GBF1: variants seen among roughly 807,000 people sequenced by gnomAD.
GBF1 encodes the protein golgi brefeldin A resistant guanine nucleotide exchange factor 1.
GBF1 carries 114 observed loss-of-function variants against 210.5 expected under a neutral mutation model. That is an observed-to-expected ratio of 0.54 (90% CI 0.47 to 0.63). The LOEUF is 0.63. Ranked by LOEUF, GBF1 falls within the 30% of genes least tolerant of loss-of-function variation. The probability of loss-of-function intolerance (pLI) is 0.00; values close to 1 mark genes in which losing one functional copy is unlikely to be tolerated. For missense variants in GBF1, 1,851 were observed against 2,357.7 expected (o/e 0.79, Z 4.45); for synonymous variants, 850 against 889.2 (o/e 0.96, Z 0.78).
chr10:102,312,754 G>T (rs2078583679), intron 3 of GBF1, among the ~76,000 whole-genome samples: 1 of 152,126 alleles, frequency 6.6e-6, no homozygotes. Flanking sequence ...CACTGCTCCT[G>T]GTGTTTGCCT....
chr10:102,236,992 G>A, the GBF1 span, among the ~76,000 whole-genome samples: 1 of 152,208 alleles, frequency 6.6e-6, no homozygotes, highest in Non-Finnish European at 1.5e-5. Context: ...AGCAAATCGA[G>A]ACACATTTGC....
chr10:102,369,670 A>G (rs569142397), intron 24 of GBF1, 41 bp from the exon 25 acceptor site: 6 of 1,585,716 alleles, frequency 3.8e-6, no homozygotes, highest in Middle Eastern at 1.7e-4. Flanking sequence ...CACAAATGCA[A>G]AGGACACATG....
chr10:102,362,853 C>T (rs1349709446), intron 15 of GBF1, among the ~76,000 whole-genome samples, 189 bp downstream of exon 15: 1 of 152,160 alleles, frequency 6.6e-6, no homozygotes, highest in Non-Finnish European at 1.5e-5. Context: ...TCCCTTTTTC[C>T]TCCTCCCCAC....
chr10:102,334,614 C>T (rs939874335), intron 3 of GBF1, among the ~76,000 whole-genome samples: 2 of 152,040 alleles, frequency 1.3e-5, no homozygotes, highest in Non-Finnish European at 2.9e-5. Context: ...TTTGGGAGGC[C>T]GAGGCGGGCA....
chr10:102,305,929 G>C (rs2077820555), intron 3 of GBF1, among the ~76,000 whole-genome samples: 1 of 152,194 alleles, frequency 6.6e-6, no homozygotes, highest in Non-Finnish European at 1.5e-5. Flanking sequence ...CTCTCAAAAT[G>C]ATGGAAATAG....
intron 3 of GBF1, among the ~76,000 whole-genome samples, chr10:102,263,239 G>C (rs2133170113): frequency 6.6e-6 from 1 of 152,308 alleles, no homozygotes; most frequent in African/African-American, 2.4e-5. Flanking sequence ...GATTGGCAGT[G>C]TCAGGAGGAC....
Position 102,376,983 on chromosome 10 carries a change from A to C in GBF1, c.4337A>C (p.Lys1446Thr). Residue 1446 changes from lysine (K) to threonine (T), a missense_variant, in exon 33 of 40, where the codon AAA becomes ACA. Around this residue, in one of 3 missense-constraint regions of GBF1, gnomAD observed 967 missense variants for 1,247.7 expected, o/e 0.78. Transcript: ENST00000369983. ...KRGKSHKYDS[K>T]GNRFKKKSKE... ...GGCAAGAGTCACAAATATGACAGCA[A>C]AGGGAACCGCTTCAAGAAGAAATCC... 1 of 1,614,178 alleles carries C rather than the reference A, an allele frequency of 6.2e-7. No individual in the cohort carries two copies. Among genetic ancestry groups the C allele is most frequent in the South Asian group, 1.1e-5 (1 of 91,072 alleles).
At chr10:102,302,263 G>C (rs964842469) in intron 3 of GBF1, among the ~76,000 whole-genome samples, 7 of 70,222 alleles carry the variant, frequency 1.0e-4, no homozygotes, top group African/African-American at 2.6e-4. Context: ...TGGAAAGGGA[G>C]AGGGAAAGGG....
At chr10:102,335,622 C>T (rs2057674877) in intron 3 of GBF1, among the ~76,000 whole-genome samples, 1 of 152,174 alleles carries the variant, frequency 6.6e-6, no homozygotes, top group East Asian at 1.9e-4. Flanking sequence ...TTGGATGGAC[C>T]TGGATTTGAT....
In GBF1 at chr10:102,361,837, A is replaced by C. The variant is rs748223627; in HGVS notation, c.1611A>C (p.Thr537=). 6.2e-7 allele frequency: 1 copy of C among 1,613,734 alleles called. No homozygotes were observed. Among genetic ancestry groups the C allele is most frequent in the Non-Finnish European group, 8.5e-7 (1 of 1,179,840 alleles). Reference sequence around the variant, plus strand: ...TCTGGCGCATCCCCAGCTTTGTCACAGAGCTCTACATCAACTATGATTGTG... The same window carrying C: ...TCTGGCGCATCCCCAGCTTTGTCACCGAGCTCTACATCAACTATGATTGTG... The part of the protein sequence containing the change: ...VQLWRIPSFV[T]ELYINYDCDY... The change falls in exon 14 of 40, where the codon ACA becomes ACC. Residue 537 remains threonine (T), a synonymous_variant. Coordinates refer to ENST00000369983, the MANE Select transcript of GBF1 (RefSeq NM_001377137.1).
chr10:102,245,170 G>A (rs1042470967), upstream of GBF1, among the ~76,000 whole-genome samples: 3 of 152,122 alleles, frequency 2.0e-5, no homozygotes, highest in Non-Finnish European at 2.9e-5. Flanking sequence ...TTCTCAAAGC[G>A]GACCCCGCCC....
At chr10:102,276,098 ATGGGTG>A (rs2074936961) in intron 3 of GBF1, among the ~76,000 whole-genome samples, 1 of 151,866 alleles carries the variant, frequency 6.6e-6, no homozygotes, top group Admixed American at 6.6e-5. Flanking sequence ...TTAGCCGGGC[ATGGGTG>A]TGAGCGCCTG....
At chr10:102,344,465 G>GGTTTGTTTGTTTGTTTGTTTGTTT (rs10635573) in intron 4 of GBF1, among the ~76,000 whole-genome samples, 1 of 150,480 alleles carries the variant, frequency 6.6e-6, no homozygotes, top group Non-Finnish European at 1.5e-5. Flanking sequence ...AGTTTGGTTA[G>GGTTTGTTTGTTTGTTTGTTTGTTT]GTTTGTTTGT....
intron 3 of GBF1, among the ~76,000 whole-genome samples, chr10:102,326,445 C>A (rs1252945593): frequency 2.0e-5 from 3 of 152,158 alleles, no homozygotes; most frequent in Admixed American, 2.0e-4. Context: ...AAACTTGTTT[C>A]TTCTGTTCTT....
intron 3 of GBF1, among the ~76,000 whole-genome samples, chr10:102,343,664 C>G (rs907482748): frequency 2.6e-5 from 4 of 151,798 alleles, no homozygotes; most frequent in African/African-American, 9.7e-5. Context: ...ACTAAAAATA[C>G]AAAATTAGCC....
rs770560686 is a variant in GBF1, at chr10:102,370,017, T to C, written c.3339+33T>C. 10 of 1,611,686 alleles carry C rather than the reference T, an allele frequency of 6.2e-6. No individual in the cohort carries two copies. The South Asian group carries it at 7.7e-5, about 12-fold the overall frequency. The stretch of plus-strand genomic sequence containing the variant: ...CCCATCCACCCCTGGTGAGAAAGCC[T>C]AAACACCTTCCTATTAGATGCTACT... On this transcript the variant is annotated intron_variant, in intron 26 of 39. Coordinates refer to ENST00000369983, the MANE Select transcript of GBF1 (RefSeq NM_001377137.1).
chr10:102,366,514 T>C lies in GBF1; in HGVS notation c.2433+8T>C, dbSNP rs760432709. ...TTCACAGAGCGTTGGATGGTGAGTT[T>C]GAGTGTCAGGGGCTGAGCCCAGGAT... On this transcript the variant is annotated splice_region_variant and intron_variant, in intron 19 of 39. Coordinates refer to ENST00000369983, the MANE Select transcript of GBF1 (RefSeq NM_001377137.1). The surrounding 1 kb of genome is among the most constrained non-coding windows in gnomAD (Gnocchi z 4.0). 2 of 1,613,280 alleles carry C rather than the reference T, an allele frequency of 1.2e-6. No individual in the cohort carries two copies. The highest frequency in any genetic ancestry group is 1.7e-6 in the Non-Finnish European group (2 of 1,179,706).
chr10:102,272,268 C>A (rs2074513550), intron 3 of GBF1, among the ~76,000 whole-genome samples: 1 of 152,162 alleles, frequency 6.6e-6, no homozygotes, highest in Non-Finnish European at 1.5e-5. Context: ...CCGCACATGG[C>A]TAATTTTTGT....
chr10:102,230,691 G>A, the GBF1 span: 3 of 1,568,296 alleles, frequency 1.9e-6, no homozygotes, highest in African/African-American at 2.7e-5. Flanking sequence ...CCGCGGCGGC[G>A]GCGGCGGCCG....
Sources: allele counts gnomAD v4.1 joint callset (sites outside exome capture counted in the v4.1 genomes callset), GRCh38; gene constraint gnomAD v4.1.1; regional missense constraint gnomAD v4.1.1; non-coding constraint Gnocchi (gnomAD v3.1); transcripts MANE v1.5; gene names NCBI Gene and HGNC (gene_info 2026-07-23, HGNC 2026-07-21).